The following STPG2 variants were observed in gnomAD, a reference collection of about 807,000 sequenced individuals.
STPG2 encodes the protein sperm tail PG-rich repeat containing 2.
STPG2 carries 56 observed loss-of-function variants against 54.2 expected under a neutral mutation model. The observed-to-expected ratio is 1.03, with a 90% CI of 0.83 to 1.29. The LOEUF is 1.29. STPG2 is among the 50% of genes most tolerant of loss of function. The probability of loss-of-function intolerance (pLI) is 0.00; values close to 1 mark genes in which losing one functional copy is unlikely to be tolerated. For missense variants in STPG2, 596 were observed against 544.9 expected (o/e 1.09, Z -0.93); for synonymous variants, 200 against 181.8 (o/e 1.10, Z -0.81).
intron 10 of STPG2, among the ~76,000 whole-genome samples, chr4:97,680,880 A>C (rs903441506): frequency 3.3e-5 from 5 of 151,988 alleles, no homozygotes; most frequent in Non-Finnish European, 7.4e-5. Context: ...TTCCCCTCCA[A>C]GATTATATCC....
At chr4:98,085,206 CTT>C (rs1222473959) in intron 5 of STPG2, among the ~76,000 whole-genome samples, 1 of 152,002 alleles carries the variant, frequency 6.6e-6, no homozygotes, top group Non-Finnish European at 1.5e-5. Flanking sequence ...TTTCCATCCT[CTT>C]TGAATTATTT....
intron 8 of STPG2, among the ~76,000 whole-genome samples, chr4:97,846,279 A>C (rs1728945894): frequency 6.6e-6 from 1 of 152,070 alleles, no homozygotes. Flanking sequence ...AAAACACTGA[A>C]GGGTGGAATA....
Position 97,981,218 on chromosome 4 carries a change from ATAT to A in STPG2, c.710_712del (p.Asn237del). The A allele has an allele frequency of 6.2e-7, 1 of 1,614,030 alleles. No individual in the cohort carries two copies. Among genetic ancestry groups the A allele is most frequent in the East Asian group, 2.2e-5 (1 of 44,824 alleles). ...TCGAACAGCACTTTGACCAAATGGA[ATAT>A]TTTTCAGTCCTGATGTTTTCTTCAA... is the stretch of plus-strand genomic sequence containing the variant. On this transcript the variant is annotated inframe_deletion, in exon 6 of 11. Transcript: ENST00000295268.
intron 10 of STPG2, among the ~76,000 whole-genome samples, chr4:97,673,261 A>G (rs1486427651): frequency 6.6e-6 from 1 of 152,218 alleles, no homozygotes; most frequent in African/African-American, 2.4e-5. Context: ...ACAATTTTAA[A>G]CAAAAAGTAG....
At chr4:98,107,119 G>T (rs985083032) in intron 4 of STPG2, among the ~76,000 whole-genome samples, 1 of 152,066 alleles carries the variant, frequency 6.6e-6, no homozygotes, top group East Asian at 1.9e-4. Flanking sequence ...ACCTCAGAAA[G>T]GTTTATGGAT....
chr4:98,091,148 C>A (rs1268811122), intron 5 of STPG2, among the ~76,000 whole-genome samples: 1 of 151,974 alleles, frequency 6.6e-6, no homozygotes, highest in Admixed American at 6.6e-5. Flanking sequence ...AATGCTAACA[C>A]CTAAGTATTT....
intron 9 of STPG2, among the ~76,000 whole-genome samples, chr4:97,798,160 G>T (rs969089723): frequency 1.2e-4 from 18 of 152,080 alleles, no homozygotes; most frequent in African/African-American, 4.3e-4. Context: ...TTTTTTGAAG[G>T]GATTTTTGTG....
chr4:98,083,185 C>T (rs950601373), intron 5 of STPG2, among the ~76,000 whole-genome samples: 2 of 152,052 alleles, frequency 1.3e-5, no homozygotes, highest in African/African-American at 4.8e-5. Flanking sequence ...CTTAATCAGT[C>T]CCATCTCAGA....
intron 9 of STPG2, among the ~76,000 whole-genome samples, chr4:97,821,279 T>C (rs985925075): frequency 5.3e-5 from 8 of 152,046 alleles, no homozygotes; most frequent in African/African-American, 1.7e-4. Context: ...TCCAAAATAA[T>C]CCCTTATTAC....
At chr4:97,659,397 AT>A (rs1722309241) in intron 10 of STPG2, among the ~76,000 whole-genome samples, 2 of 151,306 alleles carry the variant, frequency 1.3e-5, no homozygotes, top group South Asian at 4.2e-4. Context: ...GAGTTGTATC[AT>A]TTCATTTACA....
intron 4 of STPG2, among the ~76,000 whole-genome samples, chr4:97,494,796 C>A (rs1730572004): frequency 6.6e-6 from 1 of 151,418 alleles, no homozygotes; most frequent in South Asian, 2.1e-4. Context: ...ATGGCTACAA[C>A]AATATCTTTC....
chr4:97,695,914 A>G (rs946092959), intron 10 of STPG2, among the ~76,000 whole-genome samples: 1 of 152,186 alleles, frequency 6.6e-6, no homozygotes, highest in Non-Finnish European at 1.5e-5. Flanking sequence ...CATTGTGAAA[A>G]TGACCACACT....
intron 8 of STPG2, among the ~76,000 whole-genome samples, chr4:97,903,446 C>T (rs1323873268): frequency 6.7e-6 from 1 of 148,434 alleles, no homozygotes; most frequent in African/African-American, 2.5e-5. Context: ...AATTAAAAAT[C>T]TAAAAAAAAA....
At chr4:97,441,453 A>G (rs1729078275) in intron 4 of STPG2, 1 of 151,960 alleles carries the variant, frequency 6.6e-6, no homozygotes, top group Admixed American at 6.6e-5. Flanking sequence ...CTGATGGAGG[A>G]CATTATCAAC....
intron 5 of STPG2, among the ~76,000 whole-genome samples, chr4:98,096,154 G>A (rs964309465): frequency 6.6e-6 from 1 of 152,166 alleles, no homozygotes; most frequent in Non-Finnish European, 1.5e-5. Flanking sequence ...CAGCACTTTG[G>A]GAGGCCAAGG....
intron 8 of STPG2, among the ~76,000 whole-genome samples, chr4:97,918,748 A>C (rs1041538598): frequency 3.3e-5 from 5 of 152,114 alleles, no homozygotes; most frequent in Admixed American, 6.5e-5. Context: ...TCTCACTTAT[A>C]AGTAGGAGTT....
chr4:97,565,245 A>C (rs1194431139), intron 10 of STPG2, among the ~76,000 whole-genome samples: 2 of 152,120 alleles, frequency 1.3e-5, no homozygotes, highest in Admixed American at 1.3e-4. Context: ...AGGCTTCTGC[A>C]TTCTTCACGC....
chr4:98,087,469 C>T (rs928795691), intron 5 of STPG2, among the ~76,000 whole-genome samples: 1 of 151,992 alleles, frequency 6.6e-6, no homozygotes, highest in East Asian at 1.9e-4. Flanking sequence ...CTCAAAATGC[C>T]CTCATCCACT....
intron 5 of STPG2, among the ~76,000 whole-genome samples, chr4:98,022,352 C>G (rs944175561): frequency 7.2e-5 from 11 of 152,096 alleles, no homozygotes; most frequent in African/African-American, 2.2e-4. Context: ...GGCCCCCACT[C>G]TCTTCTGGCT....
Sources: gnomAD v4.1 joint callset for allele counts (sites outside exome capture counted in the v4.1 genomes callset) on GRCh38, gnomAD v4.1.1 for gene constraint, MANE v1.5 for transcripts, NCBI Gene and HGNC (gene_info 2026-07-23, HGNC 2026-07-21) for gene names.